KIF6: variants seen among roughly 807,000 people sequenced by gnomAD.
KIF6 encodes the protein kinesin-like protein KIF6.
KIF6 carries 106 observed loss-of-function variants against 112.7 expected under a neutral mutation model. The observed-to-expected ratio is 0.94, with a 90% CI of 0.80 to 1.11. The LOEUF (loss-of-function observed/expected upper bound fraction) is 1.11, where lower values mean the gene tolerates loss of function less well. Ranked by LOEUF, KIF6 falls within the 50% of genes least tolerant of loss-of-function variation. The pLI is 0.00. For synonymous variants in KIF6, 339 were observed against 339.9 expected, an observed-to-expected ratio of 1.00 and a Z score of 0.03; for missense variants, 929 against 964.0, an observed-to-expected ratio of 0.96 and a Z score of 0.48.
At chr6:39,691,742 G>GA (rs1389172640) in intron 3 of KIF6, 4 of 152,184 alleles carry the variant, frequency 2.6e-5, no homozygotes, top group African/African-American at 9.7e-5. Context: ...ATGGAACAAT[G>GA]AAAATCTGTC....
intron 6 of KIF6, among the ~76,000 whole-genome samples, chr6:39,611,168 T>C (rs560389873): frequency 4.9e-4 from 74 of 152,096 alleles, no homozygotes; most frequent in Admixed American, 1.4e-3. Context: ...ATTAGCCAGG[T>C]GTGGTGGCGC....
intron 6 of KIF6, among the ~76,000 whole-genome samples, chr6:39,612,826 C>T (rs1408205666): frequency 6.6e-6 from 1 of 152,054 alleles, no homozygotes; most frequent in Non-Finnish European, 1.5e-5. Context: ...AGAAAATATG[C>T]AAAACTTCCT....
intron 14 of KIF6, among the ~76,000 whole-genome samples, chr6:39,429,149 G>A (rs763591471): frequency 2.9e-4 from 44 of 152,234 alleles, no homozygotes; most frequent in Non-Finnish European, 3.1e-4. Flanking sequence ...CTGGTAAAGT[G>A]TAAAAGCCAG....
intron 13 of KIF6, among the ~76,000 whole-genome samples, chr6:39,501,121 C>G (rs554171646): frequency 1.1e-4 from 16 of 152,262 alleles, no homozygotes; most frequent in African/African-American, 3.9e-4. Context: ...GGGAGCAACA[C>G]AGAGCCAAGG....
chr6:39,475,131 T>C (rs1774346743), intron 13 of KIF6, among the ~76,000 whole-genome samples: 1 of 152,216 alleles, frequency 6.6e-6, no homozygotes, highest in Admixed American at 6.5e-5. Context: ...CTCCTTTATA[T>C]GAATTGTGTG....
intron 19 of KIF6, among the ~76,000 whole-genome samples, chr6:39,353,285 T>G (rs1764396118): frequency 6.6e-6 from 1 of 152,242 alleles, no homozygotes; most frequent in African/African-American, 2.4e-5. Context: ...TGTAGTGGTA[T>G]CTCATTGTTG....
intron 3 of KIF6, among the ~76,000 whole-genome samples, chr6:39,706,362 C>T (rs1789210588): frequency 6.6e-6 from 1 of 152,156 alleles, no homozygotes; most frequent in Non-Finnish European, 1.5e-5. Context: ...ATACTGGTTA[C>T]ATCAACTGCT....
chr6:39,558,481 C>T (rs1389537340), intron 10 of KIF6, among the ~76,000 whole-genome samples: 4 of 152,056 alleles, frequency 2.6e-5, no homozygotes, highest in African/African-American at 9.7e-5. Flanking sequence ...CAGCTCTACA[C>T]ATACAAAAAG....
chr6:39,683,152 C>A (rs748003044), intron 3 of KIF6, among the ~76,000 whole-genome samples: 1 of 152,128 alleles, frequency 6.6e-6, no homozygotes, highest in Non-Finnish European at 1.5e-5. Context: ...TTTGAGAGAG[C>A]CTTTATAGCA....
chr6:39,437,005 A>G (rs1029074623), intron 13 of KIF6, among the ~76,000 whole-genome samples: 12 of 147,818 alleles, frequency 8.1e-5, no homozygotes, highest in Non-Finnish European at 1.5e-4. Flanking sequence ...TGAGCATGGG[A>G]TGTTTTTCCA....
At chr6:39,620,966 G>T (rs964287430) in intron 5 of KIF6, among the ~76,000 whole-genome samples, 1 of 151,762 alleles carries the variant, frequency 6.6e-6, no homozygotes, top group African/African-American at 2.4e-5. Flanking sequence ...ACAGGGTTTT[G>T]CCATGTTAGC....
chr6:39,443,525 C>A (rs191911878), intron 13 of KIF6, among the ~76,000 whole-genome samples: 3 of 152,056 alleles, frequency 2.0e-5, no homozygotes, highest in Non-Finnish European at 4.4e-5. Flanking sequence ...CTCACTGCAA[C>A]CTTTGCTTCC....
In KIF6 at chr6:39,656,281, G is replaced by A. The variant is rs190214513; in HGVS notation, c.252-16524C>T. On this transcript the variant is annotated intron_variant, in intron 3 of 22. Transcript: ENST00000287152. ...GTCCAAGTTCTCCAGTTTCTGAAAT[G>A]GGCCCATTTCGATTATGTGTGCTAC... Among the ~76,000 whole-genome samples the A allele has an allele frequency of 3.3e-5, 5 of 152,208 alleles. No homozygotes were observed. The East Asian group carries it at 9.7e-4, about 29-fold the overall frequency.
intron 13 of KIF6, among the ~76,000 whole-genome samples, chr6:39,486,644 G>A (rs1017866769): frequency 5.3e-5 from 8 of 152,294 alleles, no homozygotes; most frequent in East Asian, 1.9e-4. Flanking sequence ...TACATTTGCC[G>A]CAAACTCTAC....
chr6:39,570,259 A>G (rs968474668), intron 10 of KIF6, among the ~76,000 whole-genome samples: 2 of 152,234 alleles, frequency 1.3e-5, no homozygotes, highest in African/African-American at 4.8e-5. Flanking sequence ...GCAACAGTAC[A>G]GCTTGGAGAG....
At chr6:39,429,191 A>T (rs1770965133) in intron 14 of KIF6, among the ~76,000 whole-genome samples, 1 of 152,114 alleles carries the variant, frequency 6.6e-6, no homozygotes, top group South Asian at 2.1e-4. Context: ...TTCGACCCTC[A>T]TTGCGGTTTG....
At chr6:39,442,999 AG>A (rs1772022308) in intron 13 of KIF6, among the ~76,000 whole-genome samples, 1 of 151,836 alleles carries the variant, frequency 6.6e-6, no homozygotes. Flanking sequence ...CTGTAGTCCC[AG>A]CTACTGGGGA....
intron 3 of KIF6, among the ~76,000 whole-genome samples, chr6:39,647,965 C>T (rs1033635113): frequency 6.6e-6 from 1 of 151,094 alleles, no homozygotes; most frequent in Non-Finnish European, 1.5e-5. Flanking sequence ...CCCACCTCAA[C>T]CTCTCAAAGT....
intron 3 of KIF6, among the ~76,000 whole-genome samples, chr6:39,710,632 G>A (rs997586162): frequency 2.0e-5 from 3 of 152,084 alleles, no homozygotes; most frequent in Admixed American, 6.6e-5. Flanking sequence ...CCACTGAAAA[G>A]CAAATTACCA....
Sources: allele counts gnomAD v4.1 joint callset (sites outside exome capture counted in the v4.1 genomes callset), GRCh38; gene constraint gnomAD v4.1.1; transcripts MANE v1.5; gene names NCBI Gene and HGNC (gene_info 2026-07-23, HGNC 2026-07-21).